CEP83: variants seen among roughly 807,000 people sequenced by gnomAD.
CEP83 encodes the protein centrosomal protein of 83 kDa.
CEP83 carries 70 observed loss-of-function variants against 101.9 expected under a neutral mutation model. The ratio of observed to expected loss-of-function variants is 0.69; its 90% confidence interval spans 0.57 to 0.84. The LOEUF (loss-of-function observed/expected upper bound fraction) is 0.84. Among genes scored for constraint, CEP83 ranks in the 40% least tolerant of loss-of-function variants. The pLI is 0.00. For synonymous variants in CEP83, 264 were observed against 267.9 expected (o/e 0.99, Z 0.14); for missense variants, 715 against 787.2 (o/e 0.91, Z 1.10).
chr12:94,451,987 T>C (rs1289908275), intron 1 of CEP83, among the ~76,000 whole-genome samples: 1 of 152,170 alleles, frequency 6.6e-6, no homozygotes, highest in African/African-American at 2.4e-5. Context: ...AACTGGTGAA[T>C]GGAAAATACA....
In CEP83 at chr12:94,335,465, AAT is replaced by A. The variant is rs1252309695; in HGVS notation, c.1419+122_1419+123del. ...TTTATCTTTACATATCACCTCCAAC[AAT>A]ATGTTACCAATTGTGGTTAGATTCT... On this transcript the variant is annotated intron_variant, in intron 12 of 16. Transcript: ENST00000397809. 2.2e-5 allele frequency: 14 copies of A among 647,216 alleles called. No individual in the cohort carries two copies. In the African/African-American group the frequency reaches 2.6e-4, roughly 12 times the overall value. 40.1% of individuals were successfully genotyped at this position (647,216 alleles called of 1,614,324 possible). A position where few individuals can be genotyped will look rare whatever the true frequency, so the allele number is the denominator to read the frequency against.
chr12:94,270,662 T>C, the CEP83 span, among the ~76,000 whole-genome samples: 2 of 150,572 alleles, frequency 1.3e-5, no homozygotes, highest in Non-Finnish European at 3.0e-5. Context: ...ATCAGACAGC[T>C]CTTCATACTT....
chr12:94,337,167 C>T lies in CEP83; in HGVS notation c.1344-1503G>A, dbSNP rs915983093. The stretch of plus-strand genomic sequence containing the variant: ...GGCCTAATGCTTTCTATATAGGTTA[C>T]ACAGACATGAAGAGAAACAATAGTG... On this transcript the variant is annotated intron_variant, in intron 11 of 16. Coordinates refer to ENST00000397809, the MANE Select transcript of CEP83 (RefSeq NM_016122.3). Among the ~76,000 whole-genome samples the T allele has an allele frequency of 5.3e-5, 8 of 152,278 alleles. No homozygotes were observed. In the South Asian group the frequency reaches 1.5e-3, roughly 28 times the overall value.
intron 8 of CEP83, among the ~76,000 whole-genome samples, chr12:94,371,411 G>A (rs2061303591): frequency 6.6e-6 from 1 of 152,132 alleles, no homozygotes; most frequent in Non-Finnish European, 1.5e-5. Context: ...GGGATTGGGG[G>A]CAGGAACAAG....
At chr12:94,359,895 A>G (rs1027489646) in intron 11 of CEP83, among the ~76,000 whole-genome samples, 1 of 152,176 alleles carries the variant, frequency 6.6e-6, no homozygotes, top group Admixed American at 6.5e-5. Flanking sequence ...AACACCAGCA[A>G]ACCAAATCCA....
chr12:94,279,415 A>G, the CEP83 span: 1 of 1,495,222 alleles, frequency 6.7e-7, no homozygotes, highest in Admixed American at 1.9e-5. Flanking sequence ...CTTTTATGAA[A>G]TGCCTTTCAG....
chr12:94,314,490 A>C (rs965841819), intron 14 of CEP83, among the ~76,000 whole-genome samples: 1 of 152,186 alleles, frequency 6.6e-6, no homozygotes, highest in Admixed American at 6.6e-5. Flanking sequence ...TTTATTAATG[A>C]CTTTATTTCA....
the CEP83 span, among the ~76,000 whole-genome samples, chr12:94,288,853 G>C: frequency 6.6e-6 from 1 of 152,196 alleles, no homozygotes; most frequent in Non-Finnish European, 1.5e-5. Context: ...CAGCAGAAAA[G>C]GTGATTTCAG....
chr12:94,300,537 T>C, the CEP83 span, among the ~76,000 whole-genome samples: 5 of 151,962 alleles, frequency 3.3e-5, no homozygotes, highest in South Asian at 2.1e-4. Flanking sequence ...CCTCAGAGGG[T>C]TGGAGCAGAG....
At chr12:94,313,307 C>T in intron 14 of CEP83, 1 of 214,604 alleles carries the variant, frequency 4.7e-6, no homozygotes. Flanking sequence ...TCAAATTTTA[C>T]TACTGAGTCT....
chr12:94,294,178 C>G, the CEP83 span, among the ~76,000 whole-genome samples: 1 of 152,164 alleles, frequency 6.6e-6, no homozygotes, highest in African/African-American at 2.4e-5. Flanking sequence ...TTCCCCTCTT[C>G]CAGGGCTTCC....
Position 94,355,022 on chromosome 12 carries a change from A to C in CEP83, c.1343+12772T>G, listed in dbSNP as rs571366018. Among the ~76,000 whole-genome samples, 328 of 152,028 alleles carry C rather than the reference A, an allele frequency of 2.2e-3. 1 individual carries two copies. Among genetic ancestry groups the C allele is most frequent in the African/African-American group, 7.4e-3 (309 of 41,506 alleles). On this transcript the variant is annotated intron_variant, in intron 11 of 16. Coordinates refer to ENST00000397809, the MANE Select transcript of CEP83 (RefSeq NM_016122.3). ...TCTCAAAAACACAAAACAAAAAAAAACAGAAAAATTTCTTAAAAACAAATA... is the reference window on the plus strand; with the variant it reads ...TCTCAAAAACACAAAACAAAAAAAACCAGAAAAATTTCTTAAAAACAAATA...
chr12:94,290,015 CT>C, the CEP83 span, among the ~76,000 whole-genome samples: 1,833 of 152,314 alleles, frequency 0.012, 20 homozygotes, highest in Non-Finnish European at 0.02. Flanking sequence ...GACATTTGAA[CT>C]TTTGGCAGCG....
At chr12:94,386,369 A>G (rs1363279499) in intron 6 of CEP83, among the ~76,000 whole-genome samples, 1 of 152,152 alleles carries the variant, frequency 6.6e-6, no homozygotes, top group Non-Finnish European at 1.5e-5. Context: ...CTGGCCTTGT[A>G]TAGTTTCCTC....
chr12:94,319,476 A>G (rs1227962506), intron 14 of CEP83, among the ~76,000 whole-genome samples: 6 of 151,932 alleles, frequency 3.9e-5, no homozygotes, highest in Non-Finnish European at 8.8e-5. Flanking sequence ...TAGGTTGCTG[A>G]TATCTTTTTT....
Position 94,315,685 on chromosome 12 carries a change from A to G in CEP83, c.1708-2668T>C, listed in dbSNP as rs149349674. 5.4e-4 allele frequency among the ~76,000 whole-genome samples: 82 copies of G among 151,940 alleles called. 1 individual carries two copies. The East Asian group carries it at 0.015, about 28-fold the overall frequency. On this transcript the variant is annotated intron_variant, in intron 14 of 16. Coordinates refer to ENST00000397809, the MANE Select transcript of CEP83 (RefSeq NM_016122.3). ...AAAATTTTCTCCCAAGTTTTCATCT[A>G]GAAGCTTTATTTTTTTTTTTTACCT...
At chr12:94,326,040 TGGTC>T (rs1593165678) in intron 14 of CEP83, among the ~76,000 whole-genome samples, 1 of 152,124 alleles carries the variant, frequency 6.6e-6, no homozygotes, top group East Asian at 1.9e-4. Context: ...GGATGGGGGC[TGGTC>T]ACCAGAAAGA....
In CEP83 at chr12:94,411,832, A is replaced by G; in HGVS notation, c.189T>C (p.His63=). The G allele has an allele frequency of 6.2e-7, 1 of 1,610,576 alleles. No individual in the cohort carries two copies. Among genetic ancestry groups the G allele is most frequent in the Non-Finnish European group, 8.5e-7 (1 of 1,179,162 alleles). ...GCTTGAGTTCATTTTGTAACTTTAC[A>G]TGTTCATTCTGCAACCTGGTTTTTT... ...KAEHTRLQNE[H]VKLQNELKHL... Residue 63 remains histidine (H), a synonymous_variant, in exon 4 of 17, where the codon CAT becomes CAC. Coordinates refer to ENST00000397809, the MANE Select transcript of CEP83 (RefSeq NM_016122.3).
At chr12:94,314,906 T>C (rs781288905) in intron 14 of CEP83, among the ~76,000 whole-genome samples, 2 of 152,242 alleles carry the variant, frequency 1.3e-5, no homozygotes, top group Non-Finnish European at 1.5e-5. Context: ...ATTTTATCTA[T>C]ATGACTAAGC....
Sources: gnomAD v4.1 joint callset for allele counts (sites outside exome capture counted in the v4.1 genomes callset) on GRCh38, gnomAD v4.1.1 for gene constraint, MANE v1.5 for transcripts, NCBI Gene and HGNC (gene_info 2026-07-23, HGNC 2026-07-21) for gene names.